The following CPED1 variants were observed in gnomAD, a reference collection of about 807,000 sequenced individuals.
CPED1 encodes the protein cadherin like and PC-esterase domain containing 1.
CPED1 carries 114 observed loss-of-function variants against 128.2 expected under a neutral mutation model. That is an observed-to-expected ratio of 0.89 (90% CI 0.76 to 1.04). The LOEUF (loss-of-function observed/expected upper bound fraction) is 1.04, where lower values mean the gene tolerates loss of function less well. CPED1 is among the 50% of genes least tolerant of loss of function. The pLI, the probability that CPED1 is intolerant of heterozygous loss-of-function variation, is 0.00. For synonymous variants in CPED1, 462 were observed against 426.7 expected (o/e 1.08, Z -1.02); for missense variants, 1,211 against 1,207.1 (o/e 1.00, Z -0.05).
At chr7:120,996,933 A>C (rs1216663834) in intron 2 of CPED1, among the ~76,000 whole-genome samples, 1 of 152,196 alleles carries the variant, frequency 6.6e-6, no homozygotes, top group African/African-American at 2.4e-5. Flanking sequence ...ATTGAGTAGA[A>C]ACCACACTGA....
At chr7:121,101,149 C>T (rs574599244) in intron 7 of CPED1, among the ~76,000 whole-genome samples, 1 of 152,182 alleles carries the variant, frequency 6.6e-6, no homozygotes, top group East Asian at 1.9e-4. Context: ...CTTCTCAAGA[C>T]TCTTTTGGTC....
At chr7:121,048,089 T>G (rs1274645068) in intron 4 of CPED1, among the ~76,000 whole-genome samples, 4 of 152,134 alleles carry the variant, frequency 2.6e-5, no homozygotes, top group Non-Finnish European at 4.4e-5. Flanking sequence ...TACAACCAAC[T>G]TTTCTCTGCC....
rs528905764 is a variant in CPED1 at position 121,164,859 on chromosome 7, A to T, written c.2055+22718A>T. Among the ~76,000 whole-genome samples the T allele has an allele frequency of 5.3e-5, 8 of 152,354 alleles. No homozygotes were observed. The South Asian group carries it at 1.7e-3, about 32-fold the overall frequency. On this transcript the variant is annotated intron_variant, in intron 16 of 22. Transcript: ENST00000310396. ...CACCAAGGAGATAGTTTTATTAGGGAATAAACACCTTTTAGTGGTACTTCC... is the reference window on the plus strand; with the variant it reads ...CACCAAGGAGATAGTTTTATTAGGGTATAAACACCTTTTAGTGGTACTTCC...
chr7:121,282,768 C>T (rs142108940), intron 22 of CPED1, among the ~76,000 whole-genome samples: 2 of 152,258 alleles, frequency 1.3e-5, no homozygotes, highest in East Asian at 3.9e-4. Context: ...GGTGCCTGAC[C>T]TTGGGGAGCT....
chr7:121,042,581 A>C (rs889887825), intron 3 of CPED1, among the ~76,000 whole-genome samples: 29 of 152,204 alleles, frequency 1.9e-4, no homozygotes, highest in Admixed American at 5.2e-4. Flanking sequence ...TAATGGTGTA[A>C]TGTTCAAGAA....
chr7:121,015,676 A>G lies in CPED1; in HGVS notation c.261A>G (p.Ser87=). 1 of 1,598,372 alleles carries G rather than the reference A, an allele frequency of 6.3e-7. No individual in the cohort carries two copies. Among genetic ancestry groups the G allele is most frequent in the Non-Finnish European group, 8.5e-7 (1 of 1,175,022 alleles). ...NAQETRKVKE[S]METHFGSHGR... Reference sequence around the variant, plus strand: ...CCTTCTTTTCTTAGGTCAAAGAATCAATGGAGACACACTTTGGCAGCCATG... The same window carrying G: ...CCTTCTTTTCTTAGGTCAAAGAATCGATGGAGACACACTTTGGCAGCCATG... Residue 87 remains serine, a synonymous_variant, in exon 3 of 23, where the codon TCA becomes TCG. Transcript: ENST00000310396.
chr7:121,269,906 C>G (rs1405043294), intron 21 of CPED1, among the ~76,000 whole-genome samples: 1 of 152,076 alleles, frequency 6.6e-6, no homozygotes, highest in Non-Finnish European at 1.5e-5. Context: ...GTACCAGCAT[C>G]TGCTCTGGTG....
At chr7:121,105,892 G>A (rs889515008) in intron 7 of CPED1, among the ~76,000 whole-genome samples, 4 of 152,034 alleles carry the variant, frequency 2.6e-5, no homozygotes, top group Admixed American at 2.6e-4. Context: ...AATTCTGAAG[G>A]CTGAACTTGG....
At chr7:121,067,846 G>C (rs1283865997) in intron 5 of CPED1, among the ~76,000 whole-genome samples, 1 of 152,102 alleles carries the variant, frequency 6.6e-6, no homozygotes, top group Non-Finnish European at 1.5e-5. Context: ...GTTTTGATTT[G>C]CATTTCTCTG....
At chr7:121,293,838 C>G (rs1247053247) in intron 22 of CPED1, among the ~76,000 whole-genome samples, 1 of 152,006 alleles carries the variant, frequency 6.6e-6, no homozygotes, top group Non-Finnish European at 1.5e-5. Context: ...GGGCTGCACC[C>G]ACTGTCTAAC....
chr7:121,011,738 CAA>C (rs1488642108), intron 2 of CPED1, among the ~76,000 whole-genome samples: 1 of 152,018 alleles, frequency 6.6e-6, no homozygotes, highest in Non-Finnish European at 1.5e-5. Context: ...AATAAGTAAA[CAA>C]ATTATATTTA....
intron 16 of CPED1, among the ~76,000 whole-genome samples, chr7:121,164,375 T>C (rs1332801834): frequency 6.6e-6 from 1 of 152,216 alleles, no homozygotes; most frequent in Non-Finnish European, 1.5e-5. Context: ...CGAAAGACAG[T>C]AGGACTATGT....
At chr7:121,294,686 G>C (rs553148479) in intron 22 of CPED1, among the ~76,000 whole-genome samples, 32 of 151,820 alleles carry the variant, frequency 2.1e-4, no homozygotes, top group African/African-American at 7.5e-4. Flanking sequence ...TCATAAGTGT[G>C]CTCTTACACA....
chr7:121,016,692 TCAA>T (rs1792310352), intron 3 of CPED1, among the ~76,000 whole-genome samples: 1 of 152,218 alleles, frequency 6.6e-6, no homozygotes, highest in African/African-American at 2.4e-5. Flanking sequence ...CTTTGATACT[TCAA>T]TCTCTCCTTT....
chr7:121,121,353 C>T (rs1156543186), intron 7 of CPED1, among the ~76,000 whole-genome samples: 2 of 151,994 alleles, frequency 1.3e-5, no homozygotes, highest in African/African-American at 2.4e-5. Flanking sequence ...ATGTAAATAC[C>T]TTACTAGTTA....
chr7:121,100,130 T>C (rs1317600454), intron 7 of CPED1, 36 bp downstream of exon 7: 5 of 1,596,298 alleles, frequency 3.1e-6, no homozygotes, highest in Non-Finnish European at 3.4e-6. Flanking sequence ...TTCACGTAAG[T>C]ACACTGAAGT....
At chr7:121,157,510 C>T (rs1424271229) in intron 16 of CPED1, among the ~76,000 whole-genome samples, 1 of 152,130 alleles carries the variant, frequency 6.6e-6, no homozygotes, top group African/African-American at 2.4e-5. Flanking sequence ...GGCCAGTAGC[C>T]AGTTCATAGT....
intron 2 of CPED1, among the ~76,000 whole-genome samples, chr7:120,993,322 TG>T (rs1368965205): frequency 6.6e-6 from 1 of 152,194 alleles, no homozygotes; most frequent in Non-Finnish European, 1.5e-5. Context: ...CTTTGCTATT[TG>T]GGGAATACAT....
At chr7:121,081,044 G>T (rs1255986344) in intron 5 of CPED1, among the ~76,000 whole-genome samples, 1 of 152,068 alleles carries the variant, frequency 6.6e-6, no homozygotes, top group Non-Finnish European at 1.5e-5. Flanking sequence ...TCCATAAATT[G>T]TATGGTATAT....
Sources: gnomAD v4.1 joint callset for allele counts (sites outside exome capture counted in the v4.1 genomes callset) on GRCh38, gnomAD v4.1.1 for gene constraint, MANE v1.5 for transcripts, NCBI Gene and HGNC (gene_info 2026-07-23, HGNC 2026-07-21) for gene names.